Variants in YEATS2 observed in about 807,000 individuals in gnomAD.
YEATS2 encodes YEATS domain containing 2, also known as YEATS domain-containing protein 2.
Under a neutral mutation model 163.2 loss-of-function variants are expected in YEATS2, and 77 were observed. That is an observed-to-expected ratio of 0.47 (90% CI 0.39 to 0.57). The LOEUF (loss-of-function observed/expected upper bound fraction) is 0.57. Ranked by LOEUF, YEATS2 falls within the 20% of genes least tolerant of loss-of-function variation. The pLI is 0.00. For synonymous variants in YEATS2, 631 were observed against 645.1 expected (o/e 0.98, Z 0.33); for missense variants, 1,549 against 1,729.8 (o/e 0.90, Z 1.85).
intron 1 of YEATS2, among the ~76,000 whole-genome samples, chr3:183,712,862 G>A (rs2109013112): frequency 6.6e-6 from 1 of 151,894 alleles, no homozygotes; most frequent in South Asian, 2.1e-4. Context: ...CTGGATTCAA[G>A]TGATTCTCCT....
intron 1 of YEATS2, among the ~76,000 whole-genome samples, chr3:183,709,509 G>A (rs545390418): frequency 1.0e-3 from 151 of 151,452 alleles, no homozygotes; most frequent in Middle Eastern, 3.4e-3. Context: ...TAATTTTTGT[G>A]TTTTTAGTAG....
Position 183,797,912 on chromosome 3 carries a change from A to G in YEATS2, c.3098-11A>G, listed in dbSNP as rs770418526. On this transcript the variant is annotated splice_polypyrimidine_tract_variant and intron_variant, in intron 21 of 30. Transcript: ENST00000305135. Reference sequence around the variant, plus strand: ...ACCTTCAACTTGGCTTTATCTTCCAATTTGTTCTAGGACTGTTAAAGATTC... The same window carrying G: ...ACCTTCAACTTGGCTTTATCTTCCAGTTTGTTCTAGGACTGTTAAAGATTC... 2.4e-5 allele frequency: 39 copies of G among 1,613,566 alleles called. No homozygotes were observed. Among genetic ancestry groups the G allele is most frequent in the Admixed American group, 3.3e-5 (2 of 59,968 alleles).
intron 27 of YEATS2, among the ~76,000 whole-genome samples, chr3:183,805,088 G>A (rs1327948498): frequency 6.6e-6 from 1 of 151,010 alleles, no homozygotes. Context: ...GAAGCATTTT[G>A]AGTTTCACCT....
chr3:183,714,400 G>C (rs1715606868), intron 1 of YEATS2, among the ~76,000 whole-genome samples: 1 of 148,584 alleles, frequency 6.7e-6, no homozygotes, highest in South Asian at 2.2e-4. Context: ...TTTTCACCGT[G>C]TTATCCAGGA....
intron 4 of YEATS2, among the ~76,000 whole-genome samples, chr3:183,719,779 C>T (rs1716304393): frequency 6.6e-6 from 1 of 152,056 alleles, no homozygotes; most frequent in African/African-American, 2.4e-5. Flanking sequence ...CACATAGCCT[C>T]CACCTTCACA....
chr3:183,710,211 C>A (rs75748075), intron 1 of YEATS2, among the ~76,000 whole-genome samples: 3,180 of 152,180 alleles, frequency 0.021, 96 homozygotes, highest in East Asian at 0.14. Flanking sequence ...ATTTTGTTTC[C>A]AAGTTGAATT....
rs577388051 is a variant in YEATS2 at position 183,699,841 on chromosome 3, C to G, written c.-20+1848C>G. On this transcript the variant is annotated intron_variant, in intron 1 of 30. Transcript: ENST00000305135. ...CTTCTGAGATGTTCATTAAGATTGT[C>G]AATTGAATTTGGCAACACGGTGGTT... 2.6e-5 allele frequency among the ~76,000 whole-genome samples: 4 copies of G among 152,262 alleles called. 1 individual carries two copies. In the South Asian group the frequency reaches 8.3e-4, roughly 32 times the overall value.
chr3:183,776,696 G>A lies in YEATS2; in HGVS notation c.2577+573G>A, dbSNP rs907311778. 1.3e-4 allele frequency among the ~76,000 whole-genome samples: 20 copies of A among 152,292 alleles called. No homozygotes were observed. In the South Asian group the frequency reaches 2.7e-3, roughly 21 times the overall value. ...AAGCCAGGCACGGTGGCTCACGCCT[G>A]TAATCCCAGCATTCTGGGAGGCCGA... On this transcript the variant is annotated intron_variant, in intron 18 of 30. Transcript: ENST00000305135.
chr3:183,754,422 G>A, intron 11 of YEATS2, 57 bp downstream of exon 11: 1 of 1,533,996 alleles, frequency 6.5e-7, no homozygotes, highest in African/African-American at 1.4e-5. Context: ...TAAAATTGTT[G>A]GAACAACAAA....
intron 6 of YEATS2, among the ~76,000 whole-genome samples, chr3:183,727,273 G>T (rs547240638): frequency 1.3e-5 from 2 of 152,068 alleles, no homozygotes; most frequent in Non-Finnish European, 2.9e-5. Flanking sequence ...AAAAGAAGAC[G>T]TAACTACAGA....
rs922468641 is a variant in YEATS2 at position 183,708,493 on chromosome 3, A to T, written c.-19-6651A>T. Among the ~76,000 whole-genome samples, 6 of 152,130 alleles carry T rather than the reference A, an allele frequency of 3.9e-5. No homozygotes were observed. The East Asian group carries it at 1.2e-3, about 29-fold the overall frequency. On this transcript the variant is annotated intron_variant, in intron 1 of 30. Coordinates refer to ENST00000305135, the MANE Select transcript of YEATS2 (RefSeq NM_018023.5). ...CGAATTTCCAGTGACTGTACATTAC[A>T]TCATCTTTATGGTTTTTATTATACA...
intron 1 of YEATS2, among the ~76,000 whole-genome samples, chr3:183,710,007 T>G (rs1216248554): frequency 6.6e-6 from 1 of 152,114 alleles, no homozygotes; most frequent in Non-Finnish European, 1.5e-5. Flanking sequence ...ATTGGAGAAA[T>G]GGATGACAGT....
chr3:183,717,878 T>TA (rs1222973147), intron 3 of YEATS2, 130 bp downstream of exon 3: 101 of 420,036 alleles, frequency 2.4e-4, no homozygotes, highest in Non-Finnish European at 2.2e-4. Flanking sequence ...TTTTTTTTTT[T>TA]AAATAGCTTT....
intron 4 of YEATS2, among the ~76,000 whole-genome samples, chr3:183,720,007 A>G (rs2109050433): frequency 6.6e-6 from 1 of 152,310 alleles, no homozygotes; most frequent in East Asian, 1.9e-4. Context: ...GTTTTCTTGT[A>G]AACTGGAAGT....
Position 183,798,974 on chromosome 3 carries a change from G to T in YEATS2, c.3310G>T (p.Ala1104Ser), listed in dbSNP as rs189373768. ...PTPVVPSSAPAAVAKVKTEPE... is the reference protein window; with the variant it reads ...PTPVVPSSAPSAVAKVKTEPE... ...TCCAGTTGTCCCCAGCTCTGCTCCA[G>T]CAGCTGTTGCAAAAGGTACGTAGGA... Residue 1104 changes from alanine to serine, a missense_variant, in exon 23 of 31, where the codon GCA (alanine) becomes TCA (serine). Coordinates refer to ENST00000305135, the MANE Select transcript of YEATS2 (RefSeq NM_018023.5). 4.5e-5 allele frequency: 73 copies of T among 1,613,858 alleles called. No individual in the cohort carries two copies. The Middle Eastern group carries it at 3.6e-3, about 80-fold the overall frequency.
At chr3:183,755,409 C>T (rs1230348063) in intron 11 of YEATS2, among the ~76,000 whole-genome samples, 2 of 151,960 alleles carry the variant, frequency 1.3e-5, no homozygotes, top group East Asian at 3.9e-4. Context: ...GAGCCACCGT[C>T]CCCTGTCATT....
In YEATS2 at chr3:183,777,554, G is replaced by C; in HGVS notation, c.2590G>C (p.Val864Leu). Reference sequence around the variant, plus strand: ...TTTTCTAACTTAGGGCACATTTTTAGTTGGCCAGCCATCACCCCAGACTTC... The same window carrying C: ...TTTTCTAACTTAGGGCACATTTTTACTTGGCCAGCCATCACCCCAGACTTC... ...LKQTPQGTFL[V>L]GQPSPQTSGK... The change falls in exon 19 of 31, where the codon GTT becomes CTT. Residue 864 changes from valine (V) to leucine (L), a missense_variant. Transcript: ENST00000305135. The C allele has an allele frequency of 6.2e-7, 1 of 1,611,530 alleles. No individual in the cohort carries two copies.
intron 1 of YEATS2, among the ~76,000 whole-genome samples, chr3:183,707,676 C>CTCTTTTTTTTT (rs1577029221): frequency 7.1e-6 from 1 of 141,148 alleles, no homozygotes; most frequent in Admixed American, 7.0e-5. Context: ...CCTTCCCCAC[C>CTCTTTTTTTTT]TATTTTTTTT....
At chr3:183,715,564 C>T (rs774537877) in intron 2 of YEATS2, among the ~76,000 whole-genome samples, 2 of 152,044 alleles carry the variant, frequency 1.3e-5, no homozygotes, top group African/African-American at 4.8e-5. Flanking sequence ...GTGCTATAAT[C>T]GTGAGATGGT....
Sources: gnomAD v4.1 joint callset for allele counts (sites outside exome capture counted in the v4.1 genomes callset) on GRCh38, gnomAD v4.1.1 for gene constraint, MANE v1.5 for transcripts, NCBI Gene and HGNC (gene_info 2026-07-23, HGNC 2026-07-21) for gene names.